Variants in MLLT10 observed in about 807,000 individuals in gnomAD.
MLLT10 encodes the protein MLLT10 histone lysine methyltransferase DOT1L cofactor.
A neutral mutation model predicts 129.1 loss-of-function variants in MLLT10; 30 were observed. The ratio of observed to expected loss-of-function variants is 0.23; its 90% CI spans 0.17 to 0.32. The LOEUF (loss-of-function observed/expected upper bound fraction) is 0.32, where lower values mean the gene tolerates loss of function less well. Ranked by LOEUF, MLLT10 falls within the 10% of genes least tolerant of loss-of-function variation. The pLI, the probability that MLLT10 is intolerant of heterozygous loss-of-function variation, is 1.00. For synonymous variants in MLLT10, 490 were observed against 446.4 expected, an observed-to-expected ratio of 1.10 and a Z score of -1.23; for missense variants, 1,119 against 1,268.3, an observed-to-expected ratio of 0.88 and a Z score of 1.79.
At chr10:21,639,238 C>T (rs1170745687) in intron 8 of MLLT10, among the ~76,000 whole-genome samples, 1 of 152,198 alleles carries the variant, frequency 6.6e-6, no homozygotes, top group Admixed American at 6.5e-5. Context: ...TTTCTCCCCA[C>T]CAAGCAAGCT....
intron 16 of MLLT10, among the ~76,000 whole-genome samples, chr10:21,729,041 T>C (rs2057747009): frequency 6.6e-6 from 1 of 152,094 alleles, no homozygotes; most frequent in East Asian, 1.9e-4. Flanking sequence ...TGCCTTTTTT[T>C]CTGTATAATT....
At chr10:21,603,552 A>G (rs1207718445) in intron 5 of MLLT10, among the ~76,000 whole-genome samples, 1 of 152,208 alleles carries the variant, frequency 6.6e-6, no homozygotes, top group Non-Finnish European at 1.5e-5. Context: ...CAATAATATA[A>G]CAAACAACCT....
intron 14 of MLLT10, among the ~76,000 whole-genome samples, chr10:21,724,931 C>A (rs779172846): frequency 3.9e-5 from 6 of 152,194 alleles, no homozygotes; most frequent in Non-Finnish European, 8.8e-5. Context: ...ACGAGCTCTT[C>A]AGTTAGTAGA....
Position 21,743,550 on chromosome 10 carries a change from GTTATTTTACC to G in MLLT10, c.*1569_*1578del. Reference sequence around the variant, plus strand: ...ATAAATGGTAAATTTTGAATGTGTTGTTATTTTACCTAGATGTAAAATTCCACATGTATTA... The same window carrying G: ...ATAAATGGTAAATTTTGAATGTGTTGTAGATGTAAAATTCCACATGTATTA... On this transcript the variant is annotated 3_prime_UTR_variant, in exon 23 of 23. Coordinates refer to ENST00000307729, the MANE Select transcript of MLLT10 (RefSeq NM_001195626.3). The G allele has an allele frequency of 5.6e-6, 1 of 179,574 alleles. No individual in the cohort carries two copies. The highest frequency in any genetic ancestry group is 1.2e-5 in the Non-Finnish European group (1 of 83,592). The allele number at this position is 179,574 out of a possible 1,614,324, so 11.1% of individuals were successfully genotyped here.
intron 3 of MLLT10, among the ~76,000 whole-genome samples, chr10:21,543,741 A>G (rs1449846529): frequency 6.6e-6 from 1 of 152,160 alleles, no homozygotes; most frequent in Non-Finnish European, 1.5e-5. Context: ...GGCCTCCCAA[A>G]GTGCTGGGAT....
At chr10:21,720,095 A>C (rs1009858023) in intron 14 of MLLT10, among the ~76,000 whole-genome samples, 4 of 152,234 alleles carry the variant, frequency 2.6e-5, no homozygotes, top group African/African-American at 9.6e-5. Context: ...TTTGTTGGTT[A>C]ATCTATACAG....
Position 21,534,533 on chromosome 10 carries a change from TGGGCTGCCGGGCCGGGCGG to T in MLLT10, c.-1+17_-1+35del. 1 of 879,482 alleles carries T rather than the reference TGGGCTGCCGGGCCGGGCGG, an allele frequency of 1.1e-6. No homozygotes were observed. The highest frequency in any genetic ancestry group is 4.3e-5 in the Admixed American group (1 of 23,432). 54.5% of individuals were successfully genotyped at this position (879,482 alleles called of 1,614,324 possible). On this transcript the variant is annotated intron_variant, in intron 1 of 22. Transcript: ENST00000307729. ...CGGCAAAGCCCGAGTGAGCGAGCGG[TGGGCTGCCGGGCCGGGCGG>T]GGGGCGCCGGGGCGGGCTCGGGGGG...
chr10:21,534,531 G>A lies in MLLT10; in HGVS notation c.-1+11G>A, dbSNP rs1049095325. 1.7e-6 allele frequency: 2 copies of A among 1,174,970 alleles called. No homozygotes were observed. Among genetic ancestry groups the A allele is most frequent in the East Asian group, 2.8e-5 (1 of 35,762 alleles). 72.8% of individuals were successfully genotyped at this position (1,174,970 alleles called of 1,614,324 possible). ...AGCGGCAAAGCCCGAGTGAGCGAGC[G>A]GTGGGCTGCCGGGCCGGGCGGGGGG... On this transcript the variant is annotated intron_variant, in intron 1 of 22. Coordinates refer to ENST00000307729, the MANE Select transcript of MLLT10 (RefSeq NM_001195626.3).
At chr10:21,582,649 G>T (rs1446253565) in intron 3 of MLLT10, among the ~76,000 whole-genome samples, 1 of 152,082 alleles carries the variant, frequency 6.6e-6, no homozygotes, top group Non-Finnish European at 1.5e-5. Flanking sequence ...GCTTTAAGTA[G>T]GGTAATAGTG....
intron 13 of MLLT10, among the ~76,000 whole-genome samples, chr10:21,694,393 T>C (rs1455286888): frequency 6.6e-6 from 1 of 152,224 alleles, no homozygotes; most frequent in African/African-American, 2.4e-5. Flanking sequence ...ATCTTTGCAG[T>C]GCATATTATC....
chr10:21,551,478 T>C (rs1055168397), intron 3 of MLLT10, among the ~76,000 whole-genome samples: 1 of 151,156 alleles, frequency 6.6e-6, no homozygotes, highest in African/African-American at 2.4e-5. Context: ...TAAGTTCCTA[T>C]AGCTTTCAAA....
At chr10:21,721,269 C>G (rs914418390) in intron 14 of MLLT10, among the ~76,000 whole-genome samples, 1 of 152,096 alleles carries the variant, frequency 6.6e-6, no homozygotes, top group Non-Finnish European at 1.5e-5. Flanking sequence ...AGATCTATCT[C>G]TAGATGATAC....
intron 13 of MLLT10, among the ~76,000 whole-genome samples, chr10:21,709,954 G>A (rs1026393706): frequency 1.3e-5 from 2 of 152,092 alleles, no homozygotes; most frequent in Non-Finnish European, 2.9e-5. Flanking sequence ...TCACCATGTT[G>A]CCCAGGCTGG....
intron 8 of MLLT10, among the ~76,000 whole-genome samples, chr10:21,641,369 A>C (rs2047983664): frequency 6.6e-6 from 1 of 152,276 alleles, no homozygotes; most frequent in South Asian, 2.1e-4. Context: ...AGATACATAC[A>C]TAAAAAGGAT....
intron 2 of MLLT10, among the ~76,000 whole-genome samples, chr10:21,536,474 C>T (rs771047387): frequency 5.9e-5 from 9 of 152,118 alleles, no homozygotes; most frequent in African/African-American, 1.9e-4. Flanking sequence ...ATTTTCCTTC[C>T]TAGAAGTACA....
chr10:21,591,660 T>C (rs2042517527), intron 4 of MLLT10, among the ~76,000 whole-genome samples: 1 of 152,190 alleles, frequency 6.6e-6, no homozygotes, highest in African/African-American at 2.4e-5. Flanking sequence ...TTTATCTATA[T>C]AGTGGTTGCT....
intron 5 of MLLT10, 53 bp from the exon 6 acceptor site, chr10:21,612,295 G>C: frequency 9.3e-7 from 1 of 1,077,914 alleles, no homozygotes; most frequent in Non-Finnish European, 1.4e-6. Context: ...GTAAAATTCT[G>C]ATTCATGTTA....
At chr10:21,675,392 C>A (rs1318503221) in intron 11 of MLLT10, among the ~76,000 whole-genome samples, 1 of 152,176 alleles carries the variant, frequency 6.6e-6, no homozygotes, top group African/African-American at 2.4e-5. Context: ...CTCTCCCTTC[C>A]TACAGTGGGA....
chr10:21,568,836 G>A (rs1313981619), intron 3 of MLLT10, among the ~76,000 whole-genome samples: 4 of 152,180 alleles, frequency 2.6e-5, no homozygotes, highest in Non-Finnish European at 4.4e-5. Flanking sequence ...GGGTTTCACC[G>A]TCTTGGTCAG....
Sources: gnomAD v4.1 joint callset for allele counts (sites outside exome capture counted in the v4.1 genomes callset) on GRCh38, gnomAD v4.1.1 for gene constraint, MANE v1.5 for transcripts, NCBI Gene and HGNC (gene_info 2026-07-23, HGNC 2026-07-21) for gene names.